The following SND1 variants were observed in gnomAD, a reference collection of about 807,000 sequenced individuals.
SND1 encodes staphylococcal nuclease domain-containing protein 1.
SND1 carries 38 observed loss-of-function variants against 121.7 expected under a neutral mutation model. The ratio of observed to expected loss-of-function variants is 0.31; its 90% CI spans 0.24 to 0.41. The LOEUF (loss-of-function observed/expected upper bound fraction) is 0.41. Among genes scored for constraint, SND1 ranks in the 10% least tolerant of loss-of-function variants. The pLI is 1.00. For missense variants in SND1, 868 were observed against 1,184.6 expected (o/e 0.73, Z 3.92); for synonymous variants, 401 against 447.4 (o/e 0.90, Z 1.31).
At chr7:128,012,617 A>T (rs1364009952) in intron 16 of SND1, among the ~76,000 whole-genome samples, 1 of 152,096 alleles carries the variant, frequency 6.6e-6, no homozygotes, top group African/African-American at 2.4e-5. Context: ...TTCAGTGCCT[A>T]TTCCAACTCC....
chr7:127,903,559 G>C (rs1486710711), intron 13 of SND1, among the ~76,000 whole-genome samples: 1 of 152,178 alleles, frequency 6.6e-6, no homozygotes, highest in Non-Finnish European at 1.5e-5. Flanking sequence ...TTGAGTGAGG[G>C]ACACATCCCC....
chr7:128,069,668 C>T (rs1043087777), intron 16 of SND1, among the ~76,000 whole-genome samples: 1 of 152,222 alleles, frequency 6.6e-6, no homozygotes, highest in African/African-American at 2.4e-5. Context: ...CGTGTTGAAG[C>T]ATTTATGTGC....
At chr7:127,871,992 G>A (rs1799598496) in intron 12 of SND1, among the ~76,000 whole-genome samples, 1 of 152,092 alleles carries the variant, frequency 6.6e-6, no homozygotes, top group African/African-American at 2.4e-5. Flanking sequence ...GATTAGCCAG[G>A]TGTGGTGGTG....
At chr7:127,894,225 A>C (rs967383994) in intron 13 of SND1, among the ~76,000 whole-genome samples, 7 of 152,062 alleles carry the variant, frequency 4.6e-5, no homozygotes, top group Non-Finnish European at 1.5e-5. Context: ...TGACTTGTAA[A>C]TATATTTTGC....
At chr7:127,803,396 A>G (rs1341345690) in intron 10 of SND1, among the ~76,000 whole-genome samples, 1 of 152,074 alleles carries the variant, frequency 6.6e-6, no homozygotes, top group Non-Finnish European at 1.5e-5. Flanking sequence ...ATGTCTTTTC[A>G]GTACAGAACT....
chr7:127,764,383 G>A (rs1032913968), intron 10 of SND1, among the ~76,000 whole-genome samples: 24 of 152,286 alleles, frequency 1.6e-4, no homozygotes, highest in African/African-American at 5.3e-4. Context: ...GTGTGAATGC[G>A]AAGTATTTTA....
In SND1 at chr7:128,029,238, T is replaced by A. The variant is rs959348549; in HGVS notation, c.1779+38182T>A. The A allele has an allele frequency of 1.9e-6, 3 of 1,614,026 alleles. No homozygotes were observed. The highest frequency in any genetic ancestry group is 2.5e-6 in the Non-Finnish European group (3 of 1,180,010). On this transcript the variant is annotated intron_variant, in intron 16 of 23. Transcript: ENST00000354725. The surrounding 1 kb of genome is among the most constrained non-coding windows in gnomAD (Gnocchi z 4.2). Reference sequence around the variant, plus strand: ...AACAGGCTTGTACTTTCGCGTTGTGTCCTCAGGCGAGATCTCCGTGGTCTC... The same window carrying A: ...AACAGGCTTGTACTTTCGCGTTGTGACCTCAGGCGAGATCTCCGTGGTCTC...
At chr7:127,813,342 A>G (rs1024218059) in intron 11 of SND1, among the ~76,000 whole-genome samples, 9 of 152,134 alleles carry the variant, frequency 5.9e-5, no homozygotes, top group African/African-American at 2.2e-4. Context: ...AGGTTGATTA[A>G]CAGAAATGAC....
At chr7:128,091,905 C>G in intron 23 of SND1, 24 bp downstream of exon 23, 1 of 1,614,118 alleles carries the variant, frequency 6.2e-7, no homozygotes. Context: ...TTGGGAGCCC[C>G]CAGAGGGTAC....
chr7:127,784,481 C>T (rs1797776948), intron 10 of SND1, among the ~76,000 whole-genome samples: 2 of 152,220 alleles, frequency 1.3e-5, no homozygotes, highest in South Asian at 4.1e-4. Context: ...CCTCTCCCCT[C>T]TCCTACTTCT....
chr7:127,885,446 A>G (rs1365010526), intron 12 of SND1, among the ~76,000 whole-genome samples: 2 of 152,152 alleles, frequency 1.3e-5, no homozygotes, highest in Non-Finnish European at 2.9e-5. Flanking sequence ...AACATGGCTT[A>G]GATGCTGAGC....
intron 16 of SND1, among the ~76,000 whole-genome samples, chr7:128,022,161 C>T (rs1296228057): frequency 1.5e-5 from 2 of 136,266 alleles, no homozygotes; most frequent in East Asian, 4.4e-4. Flanking sequence ...GCCGAGATCA[C>T]ACCACTGCAC....
chr7:127,738,435 C>T (rs781708418), intron 10 of SND1, among the ~76,000 whole-genome samples: 5 of 151,906 alleles, frequency 3.3e-5, no homozygotes, highest in South Asian at 2.1e-4. Context: ...CCTGCCACCA[C>T]GCTTGTCTAA....
chr7:128,054,928 G>A (rs894569800), intron 16 of SND1, among the ~76,000 whole-genome samples: 3 of 152,170 alleles, frequency 2.0e-5, no homozygotes, highest in Admixed American at 6.5e-5. Context: ...TCTGTGATGT[G>A]GGGAAAGCCT....
intron 11 of SND1, among the ~76,000 whole-genome samples, chr7:127,834,709 T>C (rs906643763): frequency 6.6e-6 from 1 of 152,242 alleles, no homozygotes; most frequent in Non-Finnish European, 1.5e-5. Context: ...ACACAAGTGC[T>C]ATATCCTTGT....
rs1795979743 is a variant in SND1 at position 127,694,819 on chromosome 7, G to C, written c.229-9G>C. 2 of 1,613,178 alleles carry C rather than the reference G, an allele frequency of 1.2e-6. No homozygotes were observed. Among genetic ancestry groups the C allele is most frequent in the African/African-American group, 1.3e-5 (1 of 74,852 alleles). ...AGTTCTCATGTGACATATTTGTTTT[G>C]TCTTTCAGCCCTGGGCATTTCCAGC... On this transcript the variant is annotated splice_polypyrimidine_tract_variant and intron_variant, in intron 2 of 23. Coordinates refer to ENST00000354725, the MANE Select transcript of SND1 (RefSeq NM_014390.4).
At chr7:127,873,364 T>C (rs528067338) in intron 12 of SND1, among the ~76,000 whole-genome samples, 6 of 152,234 alleles carry the variant, frequency 3.9e-5, no homozygotes, top group African/African-American at 1.4e-4. Context: ...TAAAGATTAA[T>C]CACTACCCAG....
At chr7:128,091,591 G>A (rs1043346740) in intron 22 of SND1, among the ~76,000 whole-genome samples, 1 of 152,166 alleles carries the variant, frequency 6.6e-6, no homozygotes, top group Non-Finnish European at 1.5e-5. Flanking sequence ...GGTGGGAGAG[G>A]TAGCCAGGAG....
At chr7:127,671,934 A>T (rs941967771) in intron 1 of SND1, among the ~76,000 whole-genome samples, 1 of 152,230 alleles carries the variant, frequency 6.6e-6, no homozygotes, top group Non-Finnish European at 1.5e-5. Flanking sequence ...CATTAAATAG[A>T]CCACATAAAG....
Sources: gnomAD v4.1 joint callset for allele counts (sites outside exome capture counted in the v4.1 genomes callset) on GRCh38, gnomAD v4.1.1 for gene constraint, Gnocchi (gnomAD v3.1) non-coding constraint, MANE v1.5 for transcripts, NCBI Gene and HGNC (gene_info 2026-07-23, HGNC 2026-07-21) for gene names.